SPATA17: variants seen among roughly 807,000 people sequenced by gnomAD.
SPATA17 encodes spermatogenesis-associated protein 17.
In SPATA17, 53 loss-of-function variants were observed where a neutral mutation model predicts 62.2. The observed-to-expected ratio is 0.85, with a 90% CI of 0.68 to 1.07. The LOEUF is 1.07. Ranked by LOEUF, SPATA17 falls within the 50% of genes least tolerant of loss-of-function variation. SPATA17 has a pLI of 0.00. For missense variants in SPATA17, 466 were observed against 425.5 expected (o/e 1.10, Z -0.84); for synonymous variants, 146 against 146.8 (o/e 0.99, Z 0.04).
At chr1:217,778,447 G>A (rs1367641983) in intron 7 of SPATA17, among the ~76,000 whole-genome samples, 1 of 151,354 alleles carries the variant, frequency 6.6e-6, no homozygotes, top group Non-Finnish European at 1.5e-5. Context: ...CTTGAACCTG[G>A]GAGGTGGAGG....
At chr1:217,826,590 G>T (rs539869350) in intron 9 of SPATA17, among the ~76,000 whole-genome samples, 1 of 152,006 alleles carries the variant, frequency 6.6e-6, no homozygotes, top group East Asian at 1.9e-4. Context: ...TATCCAGAAT[G>T]ATTTTAAATA....
chr1:217,810,418 T>A (rs1029718553), intron 9 of SPATA17, among the ~76,000 whole-genome samples: 1 of 152,040 alleles, frequency 6.6e-6, no homozygotes, highest in Non-Finnish European at 1.5e-5. Flanking sequence ...AGTCAGGAGT[T>A]CGAGACCAGC....
At chr1:217,709,501 T>C (rs1300894068) in intron 5 of SPATA17, among the ~76,000 whole-genome samples, 1 of 152,028 alleles carries the variant, frequency 6.6e-6, no homozygotes, top group African/African-American at 2.4e-5. Context: ...ACATGAAAAT[T>C]GGCTTCTCTC....
At chr1:217,665,791 CA>C in intron 3 of SPATA17, among the ~76,000 whole-genome samples, 1 of 152,156 alleles carries the variant, frequency 6.6e-6, no homozygotes, top group East Asian at 1.9e-4. Flanking sequence ...ATATGGATAT[CA>C]ACCAGTCAGA....
chr1:217,802,642 C>G (rs1674341410), intron 9 of SPATA17, among the ~76,000 whole-genome samples: 2 of 152,120 alleles, frequency 1.3e-5, no homozygotes, highest in South Asian at 4.1e-4. Flanking sequence ...GGGACCAGGA[C>G]TCTACCTTCA....
chr1:217,676,383 C>G (rs545453804), intron 4 of SPATA17, among the ~76,000 whole-genome samples: 1 of 152,044 alleles, frequency 6.6e-6, no homozygotes, highest in East Asian at 1.9e-4. Flanking sequence ...ATTTAAAAGT[C>G]TGTGTTTAGT....
At chr1:217,817,416 G>A (rs1269677359) in intron 9 of SPATA17, among the ~76,000 whole-genome samples, 2 of 151,948 alleles carry the variant, frequency 1.3e-5, no homozygotes, top group African/African-American at 2.4e-5. Flanking sequence ...TCTCCTTCCT[G>A]CCATCATGTG....
At chr1:217,737,486 A>C (rs1672535927) in intron 5 of SPATA17, among the ~76,000 whole-genome samples, 1 of 152,052 alleles carries the variant, frequency 6.6e-6, no homozygotes, top group African/African-American at 2.4e-5. Context: ...GTTGAGAGAG[A>C]AGTTGAATTG....
chr1:217,827,290 G>T (rs562261323), intron 9 of SPATA17, among the ~76,000 whole-genome samples: 1 of 152,092 alleles, frequency 6.6e-6, no homozygotes, highest in African/African-American at 2.4e-5. Flanking sequence ...AATTGGAAAG[G>T]TATCCTATGT....
At chr1:217,644,883 CAT>C (rs1386431872) in intron 1 of SPATA17, among the ~76,000 whole-genome samples, 2 of 151,920 alleles carry the variant, frequency 1.3e-5, no homozygotes. Flanking sequence ...ATGTAGATGT[CAT>C]ATTTTATTCA....
chr1:217,704,524 A>G (rs1039296127), intron 5 of SPATA17, among the ~76,000 whole-genome samples: 1 of 151,634 alleles, frequency 6.6e-6, no homozygotes, highest in African/African-American at 2.4e-5. Flanking sequence ...TGCTGGGATT[A>G]CAGGCGTGAG....
At chr1:217,835,550 C>T (rs1675240862) in intron 9 of SPATA17, among the ~76,000 whole-genome samples, 1 of 152,034 alleles carries the variant, frequency 6.6e-6, no homozygotes, top group South Asian at 2.1e-4. Context: ...ATTGAATAAC[C>T]GTAGTGCATT....
chr1:217,707,135 G>A (rs1671755372), intron 5 of SPATA17, among the ~76,000 whole-genome samples: 1 of 152,172 alleles, frequency 6.6e-6, no homozygotes, highest in Non-Finnish European at 1.5e-5. Flanking sequence ...AAAGTGCTGG[G>A]ATTACAGATG....
intron 9 of SPATA17, among the ~76,000 whole-genome samples, chr1:217,834,715 A>G (rs1408938956): frequency 2.0e-5 from 3 of 152,166 alleles, no homozygotes; most frequent in Admixed American, 2.0e-4. Flanking sequence ...CAGTAAGGTA[A>G]GTCTAGTTTA....
intron 6 of SPATA17, among the ~76,000 whole-genome samples, chr1:217,749,999 A>C (rs1341813210): frequency 6.8e-5 from 8 of 117,226 alleles, no homozygotes; most frequent in Non-Finnish European, 1.1e-4. Flanking sequence ...ATATATATAT[A>C]TATATATATA....
intron 5 of SPATA17, among the ~76,000 whole-genome samples, chr1:217,729,371 A>G (rs1672344006): frequency 6.6e-6 from 1 of 152,200 alleles, no homozygotes; most frequent in African/African-American, 2.4e-5. Context: ...AGGAGAGTAA[A>G]TATGATTACC....
At chr1:217,812,062 T>G (rs1674604616) in intron 9 of SPATA17, among the ~76,000 whole-genome samples, 1 of 152,186 alleles carries the variant, frequency 6.6e-6, no homozygotes, top group Non-Finnish European at 1.5e-5. Context: ...GTAGATTGAC[T>G]TTAGCCAAGA....
chr1:217,641,646 A>G (rs1670065351), intron 1 of SPATA17, among the ~76,000 whole-genome samples: 1 of 152,158 alleles, frequency 6.6e-6, no homozygotes, highest in Admixed American at 6.5e-5. Flanking sequence ...TATTTAAGTT[A>G]TTGAAACAAT....
chr1:217,863,720 A>G (rs1419010159), intron 10 of SPATA17, among the ~76,000 whole-genome samples: 1 of 152,206 alleles, frequency 6.6e-6, no homozygotes, highest in Admixed American at 6.6e-5. Flanking sequence ...TCCATTTCTA[A>G]GGCATTTTAG....
Sources: allele counts gnomAD v4.1 joint callset (sites outside exome capture counted in the v4.1 genomes callset), GRCh38; gene constraint gnomAD v4.1.1; transcripts MANE v1.5; gene names NCBI Gene and HGNC (gene_info 2026-07-23, HGNC 2026-07-21).